SYT16: variants seen among roughly 807,000 people sequenced by gnomAD.
The protein encoded by SYT16 is synaptotagmin 16, also known as synaptotagmin-16.
In SYT16, 42 loss-of-function variants were observed where a neutral mutation model predicts 61.4. The observed-to-expected ratio is 0.68, with a 90% CI of 0.53 to 0.89. The LOEUF (loss-of-function observed/expected upper bound fraction) is 0.89. SYT16 is among the 40% of genes least tolerant of loss of function. The probability of loss-of-function intolerance (pLI) is 0.00; values close to 1 mark genes in which losing one functional copy is unlikely to be tolerated. For synonymous variants in SYT16, 314 were observed against 302.3 expected, an observed-to-expected ratio of 1.04 and a Z score of -0.40; for missense variants, 804 against 807.3, an observed-to-expected ratio of 1.00 and a Z score of 0.05.
At chr14:61,964,659 A>G (rs2051239805) in intron 1 of SYT16, among the ~76,000 whole-genome samples, 1 of 152,176 alleles carries the variant, frequency 6.6e-6, no homozygotes, top group East Asian at 1.9e-4. Flanking sequence ...GTTTGAGAGG[A>G]TTTTGAAAGA....
chr14:61,904,242 A>G (rs941421147), intron 1 of SYT16, among the ~76,000 whole-genome samples: 1 of 152,194 alleles, frequency 6.6e-6, no homozygotes, highest in African/African-American at 2.4e-5. Context: ...ATTTAGGACT[A>G]TCAACGCTGA....
chr14:62,100,102 A>T (rs1300317215), intron 7 of SYT16, among the ~76,000 whole-genome samples: 2 of 152,244 alleles, frequency 1.3e-5, no homozygotes. Flanking sequence ...CATTGCACGT[A>T]TGCCTGTGCA....
chr14:61,834,666 A>G (rs1341193978), intron 1 of SYT16, among the ~76,000 whole-genome samples: 1 of 151,660 alleles, frequency 6.6e-6, no homozygotes, highest in East Asian at 1.9e-4. Context: ...TGAACTCCTG[A>G]CCTCAGGTGA....
At position 62,103,579 on chromosome 14, in the gene SYT16, A is replaced by G. The variant is rs1461394577; in HGVS notation, c.*2872A>G. The stretch of plus-strand genomic sequence containing the variant: ...CTGTTGTACTCTCTACTCCCCTCTG[A>G]CTATTGTTGAATTTTTAAATGGACC... On this transcript the variant is annotated 3_prime_UTR_variant, in exon 8 of 8. Transcript: ENST00000683842. The G allele has an allele frequency of 6.6e-6, 1 of 152,158 alleles. No individual in the cohort carries two copies. The highest frequency in any genetic ancestry group is 1.9e-4 in the East Asian group (1 of 5,200). 9.4% of individuals were successfully genotyped at this position (152,158 alleles called of 1,614,324 possible). A position where few individuals can be genotyped will look rare whatever the true frequency, so the allele number is the denominator to read the frequency against.
At chr14:62,092,193 CACACACACACACACA>C (rs2057105278) in intron 7 of SYT16, among the ~76,000 whole-genome samples, 4 of 100,414 alleles carry the variant, frequency 4.0e-5, no homozygotes, top group African/African-American at 6.3e-5. Flanking sequence ...CACACACACA[CACACACACACACACA>C]CACACACACA....
intron 1 of SYT16, among the ~76,000 whole-genome samples, chr14:61,960,922 T>G (rs2051092724): frequency 6.6e-6 from 1 of 152,098 alleles, no homozygotes; most frequent in Non-Finnish European, 1.5e-5. Context: ...AAACAGACAC[T>G]TGTGTCAATG....
At chr14:62,046,549 AT>A (rs1391869225) in intron 3 of SYT16, among the ~76,000 whole-genome samples, 2 of 152,102 alleles carry the variant, frequency 1.3e-5, no homozygotes, top group Non-Finnish European at 2.9e-5. Flanking sequence ...CCTGAATGGT[AT>A]TGCCTAGGTT....
At chr14:61,877,431 G>A (rs536391782) in intron 1 of SYT16, among the ~76,000 whole-genome samples, 4 of 152,278 alleles carry the variant, frequency 2.6e-5, no homozygotes, top group Admixed American at 1.3e-4. Flanking sequence ...AACCTTACCC[G>A]TGTATATGAA....
chr14:61,999,414 A>T (rs549856908), intron 3 of SYT16, among the ~76,000 whole-genome samples: 55 of 151,818 alleles, frequency 3.6e-4, no homozygotes, highest in Non-Finnish European at 7.4e-4. Flanking sequence ...GTAGTTAATT[A>T]CTACTTTTTA....
intron 7 of SYT16, among the ~76,000 whole-genome samples, chr14:62,099,868 ACCTTGTGTG>A (rs2057373426): frequency 7.5e-6 from 1 of 134,136 alleles, no homozygotes; most frequent in African/African-American, 2.8e-5. Flanking sequence ...ACGGAGCAAG[ACCTTGTGTG>A]TCTGTCTGTC....
At position 62,105,876 on chromosome 14, in the gene SYT16, G is replaced by A. The variant is rs956494364; in HGVS notation, c.*5169G>A. The A allele has an allele frequency of 2.6e-5, 4 of 152,120 alleles. No individual in the cohort carries two copies. The highest frequency in any genetic ancestry group is 7.2e-5 in the African/African-American group (3 of 41,408). 9.4% of individuals were successfully genotyped at this position (152,120 alleles called of 1,614,324 possible). On this transcript the variant is annotated 3_prime_UTR_variant, in exon 8 of 8. Coordinates refer to ENST00000683842, the MANE Select transcript of SYT16 (RefSeq NM_001367656.1). ...TGCCAAAGCACTGTTTTGAGTCCTC[G>A]GTATCCCAATTAAGGAGAAACATGA...
intron 7 of SYT16, among the ~76,000 whole-genome samples, chr14:62,099,699 G>A (rs1339283123): frequency 1.3e-5 from 2 of 152,124 alleles, no homozygotes; most frequent in Non-Finnish European, 2.9e-5. Flanking sequence ...GCAACATAGG[G>A]AGACCCTATT....
intron 3 of SYT16, among the ~76,000 whole-genome samples, chr14:62,065,983 A>G (rs745810712): frequency 2.0e-5 from 3 of 152,208 alleles, no homozygotes; most frequent in African/African-American, 4.8e-5. Flanking sequence ...GATGCAGCCA[A>G]TAGAATTAAG....
intron 1 of SYT16, among the ~76,000 whole-genome samples, chr14:61,949,687 A>T (rs1204969867): frequency 1.3e-5 from 2 of 152,170 alleles, no homozygotes; most frequent in Non-Finnish European, 2.9e-5. Context: ...GTGTTATTGG[A>T]TGCGGCAATA....
intron 1 of SYT16, among the ~76,000 whole-genome samples, chr14:61,843,835 T>C (rs1364652734): frequency 1.3e-5 from 2 of 152,210 alleles, no homozygotes; most frequent in African/African-American, 4.8e-5. Flanking sequence ...AGTCAGATAA[T>C]GTGATTCTTC....
intron 3 of SYT16, among the ~76,000 whole-genome samples, chr14:62,068,600 TGATA>T (rs2056163165): frequency 6.6e-6 from 1 of 152,200 alleles, no homozygotes; most frequent in South Asian, 2.1e-4. Flanking sequence ...CTATGTGAGG[TGATA>T]GATATGTTAA....
In SYT16 at chr14:61,964,717, A is replaced by G. The variant is rs1287591301; in HGVS notation, c.-324-5415A>G. On this transcript the variant is annotated intron_variant, in intron 1 of 7. Transcript: ENST00000683842. Reference sequence around the variant, plus strand: ...TCTCAAACAGCATCATATGCTACAGAGAAATCTTTCATGAAAGGAAGAGTC... The same window carrying G: ...TCTCAAACAGCATCATATGCTACAGGGAAATCTTTCATGAAAGGAAGAGTC... Among the ~76,000 whole-genome samples the G allele has an allele frequency of 3.3e-5, 5 of 152,168 alleles. No homozygotes were observed. The South Asian group carries it at 8.3e-4, about 25-fold the overall frequency.
At chr14:61,844,274 GT>G (rs377686048) in intron 1 of SYT16, among the ~76,000 whole-genome samples, 7 of 151,222 alleles carry the variant, frequency 4.6e-5, no homozygotes, top group South Asian at 2.1e-4. Context: ...AGTTCTAATA[GT>G]TTTTTTTTGG....
intron 1 of SYT16, among the ~76,000 whole-genome samples, chr14:61,902,270 C>T (rs374610371): frequency 6.6e-6 from 1 of 152,184 alleles, no homozygotes; most frequent in East Asian, 1.9e-4. Flanking sequence ...TTGCGATTCT[C>T]TCAAAAGGCC....
Sources: gnomAD v4.1 joint callset for allele counts (sites outside exome capture counted in the v4.1 genomes callset) on GRCh38, gnomAD v4.1.1 for gene constraint, MANE v1.5 for transcripts, NCBI Gene and HGNC (gene_info 2026-07-23, HGNC 2026-07-21) for gene names.